CNNM2: variants seen among roughly 807,000 people sequenced by gnomAD.
CNNM2 encodes the protein cyclin and CBS domain divalent metal cation transport mediator 2.
A neutral mutation model predicts 66.9 loss-of-function variants in CNNM2; 12 were observed. The observed-to-expected ratio is 0.18, with a 90% CI of 0.11 to 0.29. The LOEUF (loss-of-function observed/expected upper bound fraction) is 0.29. CNNM2 is among the 10% of genes least tolerant of loss of function. CNNM2 has a pLI of 1.00. For missense variants in CNNM2, 705 were observed against 1,167.7 expected (o/e 0.60, Z 5.77); for synonymous variants, 557 against 501.8 (o/e 1.11, Z -1.47).
intron 1 of CNNM2, among the ~76,000 whole-genome samples, chr10:103,019,288 GTAATGAAA>G (rs1222647057): frequency 2.7e-5 from 4 of 150,350 alleles, no homozygotes; most frequent in Admixed American, 2.0e-4. Flanking sequence ...AAAAAAAAGA[GTAATGAAA>G]TACTGAACAA....
In CNNM2 at chr10:102,919,554, C is replaced by A. The variant is rs771606394; in HGVS notation, c.1074C>A (p.Ile358=). Residue 358 remains isoleucine (I), a synonymous_variant, in exon 1 of 8, where the codon ATC becomes ATA. Coordinates refer to ENST00000369878, the MANE Select transcript of CNNM2 (RefSeq NM_017649.5). The part of the protein sequence containing the change: ...STIGIVIFGE[I]VPQAICSRHG... ...TCGGTATCGTCATCTTCGGAGAGAT[C>A]GTGCCCCAGGCCATCTGCTCCCGGC... 6.2e-7 allele frequency: 1 copy of A among 1,613,442 alleles called. No individual in the cohort carries two copies. Among genetic ancestry groups the A allele is most frequent in the South Asian group, 1.1e-5 (1 of 91,088 alleles).
intron 1 of CNNM2, among the ~76,000 whole-genome samples, chr10:102,991,280 A>G (rs998158724): frequency 6.6e-6 from 1 of 152,066 alleles, no homozygotes; most frequent in Non-Finnish European, 1.5e-5. Flanking sequence ...GACTCGCCGC[A>G]CCAGGCCAGA....
chr10:103,054,097 T>C lies in CNNM2; in HGVS notation c.1766-232T>C, dbSNP rs1226149766. ...GACCTTCCTGAAGTACATTCACTAA[T>C]CAGGCTGCCTGCGGTCACTCGCTGC... On this transcript the variant is annotated intron_variant, in intron 2 of 7. Transcript: ENST00000369878. The surrounding 1 kb of genome is among the most constrained non-coding windows in gnomAD (Gnocchi z 5.2). 6.6e-6 allele frequency among the ~76,000 whole-genome samples: 1 copy of C among 152,194 alleles called. No homozygotes were observed. The highest frequency in any genetic ancestry group is 1.5e-5 in the Non-Finnish European group (1 of 68,034).
At chr10:103,066,685 C>A (rs1438264228) in intron 4 of CNNM2, among the ~76,000 whole-genome samples, 1 of 152,230 alleles carries the variant, frequency 6.6e-6, no homozygotes, top group Non-Finnish European at 1.5e-5. Flanking sequence ...TATATAAGAA[C>A]AAGAAGTAAG....
In CNNM2 at chr10:103,082,371, G is replaced by C. The variant is rs544705813; in HGVS notation, c.*5191G>C. On this transcript the variant is annotated 3_prime_UTR_variant, in exon 8 of 8. Coordinates refer to ENST00000369878, the MANE Select transcript of CNNM2 (RefSeq NM_017649.5). ...TTTTTGTTGGAGGCTCAGACTTCTA[G>C]AGCAGAGCAAAGTTGGGAAGAATGA... 1 of 152,208 alleles carries C rather than the reference G, an allele frequency of 6.6e-6. No individual in the cohort carries two copies. Among genetic ancestry groups the C allele is most frequent in the African/African-American group, 2.4e-5 (1 of 41,440 alleles). The allele number at this position is 152,208 out of a possible 1,614,324, so 9.4% of individuals were successfully genotyped here. A position where few individuals can be genotyped will look rare whatever the true frequency, so the allele number is the denominator to read the frequency against.
At chr10:102,972,738 T>C (rs1480569577) in intron 1 of CNNM2, among the ~76,000 whole-genome samples, 1 of 152,168 alleles carries the variant, frequency 6.6e-6, no homozygotes, top group African/African-American at 2.4e-5. Context: ...TGTTTTTTTC[T>C]TTGAGAGTGT....
At chr10:103,029,666 A>G (rs1336956203) in intron 1 of CNNM2, among the ~76,000 whole-genome samples, 2 of 151,858 alleles carry the variant, frequency 1.3e-5, no homozygotes, top group Non-Finnish European at 2.9e-5. Context: ...GATAGAGACC[A>G]GCCTGGCTAA....
Position 103,084,918 on chromosome 10 carries a change from A to G in CNNM2, c.*7738A>G, listed in dbSNP as rs2065789702. 2.0e-5 allele frequency: 3 copies of G among 152,180 alleles called. No homozygotes were observed. Among genetic ancestry groups the G allele is most frequent in the Admixed American group, 2.0e-4 (3 of 15,282 alleles). 9.4% of individuals were successfully genotyped at this position (152,180 alleles called of 1,614,324 possible). A position where few individuals can be genotyped will look rare whatever the true frequency, so the allele number is the denominator to read the frequency against. On this transcript the variant is annotated 3_prime_UTR_variant, in exon 8 of 8. Transcript: ENST00000369878. ...AGAGATGATTCTTTATTAAAGCCAA[A>G]AAGTTGAATTCTATTAGGTGGATAA...
intron 1 of CNNM2, among the ~76,000 whole-genome samples, chr10:102,976,521 C>T (rs1380059183): frequency 7.5e-6 from 1 of 133,300 alleles, no homozygotes; most frequent in Non-Finnish European, 1.5e-5. Context: ...TTGCAGCTTA[C>T]TGCAACCTCC....
chr10:102,918,442 G>C lies in CNNM2; in HGVS notation c.-39G>C. The C allele has an allele frequency of 1.3e-6, 2 of 1,584,414 alleles. No homozygotes were observed. The highest frequency in any genetic ancestry group is 1.7e-6 in the Non-Finnish European group (2 of 1,170,378). On this transcript the variant is annotated 5_prime_UTR_variant, in exon 1 of 8. Transcript: ENST00000369878. This position sits in a 1 kb window ranked among gnomAD's most constrained non-coding sequence, Gnocchi z 4.1. ...GGCCGGTACCTGCGCTCGCGCCGCC[G>C]GGTTGAAAGGATGAAGCCGCAGCTG...
intron 1 of CNNM2, among the ~76,000 whole-genome samples, chr10:103,031,262 T>C (rs1289133341): frequency 6.6e-6 from 1 of 152,224 alleles, no homozygotes; most frequent in Non-Finnish European, 1.5e-5. Flanking sequence ...AATTACTCTT[T>C]CCACATTGAG....
At chr10:102,986,127 A>G (rs2063793480) in intron 1 of CNNM2, among the ~76,000 whole-genome samples, 1 of 152,226 alleles carries the variant, frequency 6.6e-6, no homozygotes, top group Non-Finnish European at 1.5e-5. Flanking sequence ...TTTTAAGATT[A>G]CAAAGATAAT....
At chr10:103,064,879 CATCTTT>C (rs1432529492) in intron 4 of CNNM2, among the ~76,000 whole-genome samples, 1 of 152,048 alleles carries the variant, frequency 6.6e-6, no homozygotes, top group African/African-American at 2.4e-5. Context: ...ATTTTAAAAC[CATCTTT>C]ATGAAAAAAA....
intron 1 of CNNM2, among the ~76,000 whole-genome samples, chr10:102,958,467 T>G (rs1263519910): frequency 1.7e-5 from 2 of 116,514 alleles, no homozygotes; most frequent in South Asian, 3.1e-4. Flanking sequence ...TTGTTTTTTT[T>G]TTTTTTTTTT....
chr10:103,023,551 C>G (rs1004910975), intron 1 of CNNM2, among the ~76,000 whole-genome samples: 1 of 151,998 alleles, frequency 6.6e-6, no homozygotes, highest in Non-Finnish European at 1.5e-5. Context: ...TCTGTTCCCC[C>G]CTCCCCATCC....
intron 1 of CNNM2, among the ~76,000 whole-genome samples, chr10:102,985,646 C>T (rs1241815589): frequency 6.6e-6 from 1 of 152,204 alleles, no homozygotes; most frequent in Non-Finnish European, 1.5e-5. Flanking sequence ...CTTGAGTTAC[C>T]TGGGAAGTTC....
At chr10:103,020,189 C>G (rs1436878761) in intron 1 of CNNM2, among the ~76,000 whole-genome samples, 3 of 151,392 alleles carry the variant, frequency 2.0e-5, no homozygotes, top group Non-Finnish European at 4.4e-5. Flanking sequence ...GAGGCTTGCT[C>G]TGTCACCCAG....
intron 2 of CNNM2, among the ~76,000 whole-genome samples, chr10:103,050,229 T>G (rs1449781534): frequency 6.6e-6 from 1 of 152,218 alleles, no homozygotes; most frequent in Non-Finnish European, 1.5e-5. Context: ...ATAACTCAAG[T>G]ACTCTTTAAA....
chr10:102,949,660 T>A (rs1047838704), intron 1 of CNNM2, among the ~76,000 whole-genome samples: 7 of 152,216 alleles, frequency 4.6e-5, no homozygotes, highest in African/African-American at 1.7e-4. Flanking sequence ...GGCGCGTGCC[T>A]GTAATCCCAG....
Sources: gnomAD v4.1 joint callset for allele counts (sites outside exome capture counted in the v4.1 genomes callset) on GRCh38, gnomAD v4.1.1 for gene constraint, Gnocchi (gnomAD v3.1) non-coding constraint, MANE v1.5 for transcripts, NCBI Gene and HGNC (gene_info 2026-07-23, HGNC 2026-07-21) for gene names.